The following FOXN3 variants were observed in gnomAD, a reference collection of about 807,000 sequenced individuals.
FOXN3 encodes forkhead box protein N3.
In FOXN3, 7 loss-of-function variants were observed where a neutral mutation model predicts 38.4. The ratio of observed to expected loss-of-function variants is 0.18; its 90% CI spans 0.10 to 0.34. FOXN3 has a LOEUF of 0.34. Among genes scored for constraint, FOXN3 ranks in the 10% least tolerant of loss-of-function variants. The pLI is 1.00. For synonymous variants in FOXN3, 230 were observed against 242.2 expected (o/e 0.95, Z 0.47); for missense variants, 456 against 613.4 (o/e 0.74, Z 2.71).
intron 2 of FOXN3, among the ~76,000 whole-genome samples, chr14:89,404,329 C>A (rs530231832): frequency 4.6e-5 from 7 of 151,794 alleles, no homozygotes; most frequent in African/African-American, 1.7e-4. Flanking sequence ...CCAACAAACA[C>A]CCTGTCTCCA....
chr14:89,514,116 G>C (rs748418614), intron 1 of FOXN3, among the ~76,000 whole-genome samples: 1 of 152,118 alleles, frequency 6.6e-6, no homozygotes, highest in Non-Finnish European at 1.5e-5. Flanking sequence ...ATAATAAGGG[G>C]ACAAGCCAGA....
intron 2 of FOXN3, among the ~76,000 whole-genome samples, chr14:89,382,903 G>T (rs1213447967): frequency 6.6e-6 from 1 of 152,102 alleles, no homozygotes; most frequent in Non-Finnish European, 1.5e-5. Flanking sequence ...TGCCCTCCTG[G>T]GTCCAAGACG....
chr14:89,308,565 C>T lies in FOXN3; in HGVS notation c.681-27551G>A, dbSNP rs142260601. Among the ~76,000 whole-genome samples the T allele has an allele frequency of 2.0e-5, 3 of 152,258 alleles. No homozygotes were observed. In the East Asian group the frequency reaches 5.8e-4, roughly 29 times the overall value. On this transcript the variant is annotated intron_variant, in intron 3 of 5. Coordinates refer to ENST00000557258, the MANE Select transcript of FOXN3 (RefSeq NM_005197.4). ...TTTGGGAGCTCCTGGCCCACACTGT[C>T]CTTATAACGCCTGAACCCACATCCG... is the stretch of plus-strand genomic sequence containing the variant.
intron 1 of FOXN3, among the ~76,000 whole-genome samples, chr14:89,505,731 C>T (rs1254845388): frequency 1.3e-5 from 2 of 151,752 alleles, no homozygotes; most frequent in Non-Finnish European, 1.5e-5. Flanking sequence ...TCTGCCTGGC[C>T]GCCCATCGTC....
chr14:89,319,909 T>C (rs1197378862), intron 3 of FOXN3, among the ~76,000 whole-genome samples: 1 of 152,214 alleles, frequency 6.6e-6, no homozygotes, highest in African/African-American at 2.4e-5. Flanking sequence ...CCAGGGCTAA[T>C]AGGTCTCGAG....
intron 1 of FOXN3, among the ~76,000 whole-genome samples, chr14:89,483,789 T>C (rs922278986): frequency 2.0e-5 from 3 of 152,234 alleles, no homozygotes; most frequent in Admixed American, 6.5e-5. Context: ...TCTTTTACTA[T>C]AGTTTTCATT....
chr14:89,189,224 C>T (rs1887883725), intron 4 of FOXN3, among the ~76,000 whole-genome samples: 1 of 152,156 alleles, frequency 6.6e-6, no homozygotes, highest in Non-Finnish European at 1.5e-5. Context: ...TGGCCTGGAA[C>T]TCCACGTAGT....
chr14:89,490,999 C>T (rs377746497), intron 1 of FOXN3, among the ~76,000 whole-genome samples: 1 of 152,026 alleles, frequency 6.6e-6, no homozygotes, highest in Admixed American at 6.5e-5. Flanking sequence ...TTTGAGATAG[C>T]GTTTCACCCT....
rs751531394 is a variant in FOXN3, at chr14:89,162,891, C to T, written c.930G>A (p.Lys310=). The change falls in exon 6 of 6, where the codon AAG becomes AAA. Residue 310 remains lysine, a synonymous_variant. Transcript: ENST00000557258. This position sits in a 1 kb window ranked among gnomAD's most constrained non-coding sequence, Gnocchi z 7.2. The stretch of plus-strand genomic sequence containing the variant: ...TGGCACTGCTGTAGTTGTGATCCTC[C>T]TTGGGGTCTCCGCTGACCACTGGGG... ...CGSPVVSGDP[K]EDHNYSSAKS... 6.2e-7 allele frequency: 1 copy of T among 1,608,910 alleles called. No individual in the cohort carries two copies. Among genetic ancestry groups the T allele is most frequent in the South Asian group, 1.1e-5 (1 of 90,718 alleles).
chr14:89,511,214 T>TC lies in FOXN3; in HGVS notation c.-14-98725dup, dbSNP rs61310145. 1.3e-3 allele frequency among the ~76,000 whole-genome samples: 25 copies of TC among 19,368 alleles called. 5 individuals are homozygous for TC. Among genetic ancestry groups the TC allele is most frequent in the African/African-American group, 2.1e-3 (21 of 9,882 alleles). 12.7% of individuals were successfully genotyped at this position (19,368 alleles called of 152,430 possible). A position where few individuals can be genotyped will look rare whatever the true frequency, so the allele number is the denominator to read the frequency against. Reference sequence around the variant, plus strand: ...CTTTTCTTTCTTTCTTTTCTTTCTTTCTTTCTTTCTTTCTTTTCTTTCCTT... The same window carrying TC: ...CTTTTCTTTCTTTCTTTTCTTTCTTTCCTTTCTTTCTTTCTTTTCTTTCCTT... On this transcript the variant is annotated intron_variant, in intron 1 of 6. Coordinates refer to the FOXN3 transcript ENST00000345097.
At chr14:89,272,696 T>G (rs1886184851) in intron 4 of FOXN3, among the ~76,000 whole-genome samples, 2 of 151,870 alleles carry the variant, frequency 1.3e-5, no homozygotes, top group South Asian at 4.2e-4. Context: ...TTACTAAGAA[T>G]ACAAAAATTA....
chr14:89,257,118 C>T (rs1296834763), intron 4 of FOXN3, among the ~76,000 whole-genome samples: 1 of 152,158 alleles, frequency 6.6e-6, no homozygotes, highest in Non-Finnish European at 1.5e-5. Flanking sequence ...TCCCCCAGGG[C>T]TAGGGCAGGA....
chr14:89,169,713 A>C (rs962924679), intron 5 of FOXN3, among the ~76,000 whole-genome samples: 3 of 152,228 alleles, frequency 2.0e-5, no homozygotes, highest in Admixed American at 6.5e-5. Context: ...ATTCATGCTA[A>C]AAGTTCTAGG....
At chr14:89,291,224 A>T in intron 3 of FOXN3, 2 of 433,032 alleles carry the variant, frequency 4.6e-6, no homozygotes, top group South Asian at 3.6e-5. Flanking sequence ...AGAGATGACT[A>T]AACATGTTAC....
intron 2 of FOXN3, among the ~76,000 whole-genome samples, chr14:89,399,766 C>T (rs570801523): frequency 6.6e-6 from 1 of 152,222 alleles, no homozygotes; most frequent in East Asian, 1.9e-4. Flanking sequence ...GCCGTGTGTG[C>T]GGCTCTACAT....
At chr14:89,252,981 A>T (rs1394755518) in intron 4 of FOXN3, among the ~76,000 whole-genome samples, 1 of 152,180 alleles carries the variant, frequency 6.6e-6, no homozygotes, top group East Asian at 1.9e-4. Flanking sequence ...AAAGGAGACA[A>T]GCTCCGAGAG....
chr14:89,274,762 C>A (rs759663971), intron 4 of FOXN3, among the ~76,000 whole-genome samples: 1 of 152,234 alleles, frequency 6.6e-6, no homozygotes, highest in East Asian at 1.9e-4. Flanking sequence ...AGGAGGCAGT[C>A]CTATTTATGA....
At chr14:89,363,562 T>G (rs1435370152) in intron 2 of FOXN3, among the ~76,000 whole-genome samples, 1 of 152,222 alleles carries the variant, frequency 6.6e-6, no homozygotes, top group Non-Finnish European at 1.5e-5. Flanking sequence ...ATCTGTATAT[T>G]GGCAAAAATA....
chr14:89,313,653 T>C (rs530332431), intron 3 of FOXN3, among the ~76,000 whole-genome samples: 72 of 148,956 alleles, frequency 4.8e-4, no homozygotes, highest in African/African-American at 1.6e-3. Flanking sequence ...GTAAAGTTTG[T>C]GTGGGTAAAG....
Sources: gnomAD v4.1 joint callset for allele counts (sites outside exome capture counted in the v4.1 genomes callset) on GRCh38, gnomAD v4.1.1 for gene constraint, Gnocchi (gnomAD v3.1) non-coding constraint, MANE v1.5 for transcripts, NCBI Gene and HGNC (gene_info 2026-07-23, HGNC 2026-07-21) for gene names.